Variants in ANKFN1 observed in about 807,000 individuals in gnomAD.
ANKFN1 encodes the protein ankyrin repeat and fibronectin type-III domain-containing protein 1.
Under a neutral mutation model 108.7 loss-of-function variants are expected in ANKFN1, and 74 were observed. The ratio of observed to expected loss-of-function variants is 0.68; its 90% CI spans 0.56 to 0.83. The LOEUF is 0.83. Among genes scored for constraint, ANKFN1 ranks in the 40% least tolerant of loss-of-function variants. The pLI is 0.00. For missense variants in ANKFN1, 1,505 were observed against 1,382.3 expected (o/e 1.09, Z -1.41); for synonymous variants, 547 against 516.2 (o/e 1.06, Z -0.81).
chr17:56,047,842 A>G (rs1043302582), intron 4 of ANKFN1, among the ~76,000 whole-genome samples: 1 of 152,182 alleles, frequency 6.6e-6, no homozygotes, highest in Non-Finnish European at 1.5e-5. Context: ...ACAGGTTGAG[A>G]AGACCTAATT....
chr17:56,452,992 A>G (rs1352461751), intron 11 of ANKFN1, among the ~76,000 whole-genome samples: 1 of 152,202 alleles, frequency 6.6e-6, no homozygotes, highest in Non-Finnish European at 1.5e-5. Flanking sequence ...TAAGGATTGA[A>G]TAACTTCAGT....
intron 1 of ANKFN1, among the ~76,000 whole-genome samples, 52 bp from the exon 2 acceptor site, chr17:56,212,546 G>A (rs1259790990): frequency 6.6e-6 from 1 of 152,022 alleles, no homozygotes; most frequent in East Asian, 1.9e-4. Context: ...GGGTGATACC[G>A]GTTTCATACA....
chr17:56,503,013 A>T (rs1488682032), intron 20 of ANKFN1, among the ~76,000 whole-genome samples: 1 of 152,202 alleles, frequency 6.6e-6, no homozygotes, highest in East Asian at 1.9e-4. Flanking sequence ...CAAGGGGGAA[A>T]GTTGGCTTCT....
At chr17:56,510,386 G>A in intron 20 of ANKFN1, 87 bp from the exon 21 acceptor site, 1 of 1,109,328 alleles carries the variant, frequency 9.0e-7, no homozygotes, top group Non-Finnish European at 1.3e-6. Flanking sequence ...CCTTCTAAGT[G>A]CGGGGTCAAA....
chr17:56,066,786 T>C (rs1172411221), intron 4 of ANKFN1, among the ~76,000 whole-genome samples: 1 of 152,218 alleles, frequency 6.6e-6, no homozygotes, highest in Non-Finnish European at 1.5e-5. Flanking sequence ...GCTCTGAATT[T>C]CACTACTCTA....
intron 3 of ANKFN1, among the ~76,000 whole-genome samples, chr17:56,299,423 G>T (rs539198740): frequency 1.3e-5 from 2 of 152,250 alleles, no homozygotes; most frequent in East Asian, 1.9e-4. Flanking sequence ...CTTTGCAAAA[G>T]CTTCCTCCTA....
chr17:56,515,249 T>G lies in ANKFN1; in HGVS notation c.*3980T>G, dbSNP rs539605869. On this transcript the variant is annotated 3_prime_UTR_variant, in exon 21 of 21. Coordinates refer to ENST00000682825, the MANE Select transcript of ANKFN1 (RefSeq NM_001370326.1). ...CAGAGCTACAGCAAAGAGTGTGTAT[T>G]TCTTGGTATATGTGCTTATTAAGCT... Among the ~76,000 whole-genome samples, 2 of 152,320 alleles carry G rather than the reference T, an allele frequency of 1.3e-5. No individual in the cohort carries two copies. Among genetic ancestry groups the G allele is most frequent in the African/African-American group, 4.8e-5 (2 of 41,586 alleles).
intron 1 of ANKFN1, among the ~76,000 whole-genome samples, chr17:56,194,227 A>G (rs77405385): frequency 6.6e-6 from 1 of 152,348 alleles, no homozygotes; most frequent in Non-Finnish European, 1.5e-5. Context: ...GACCGAACAT[A>G]CTTTTGCTGT....
chr17:56,383,021 T>A (rs551803918), intron 8 of ANKFN1, among the ~76,000 whole-genome samples: 1 of 152,262 alleles, frequency 6.6e-6, no homozygotes, highest in East Asian at 1.9e-4. Context: ...ATCAACAGAA[T>A]ATACATTTTC....
At chr17:56,137,759 T>C (rs965368037) in intron 4 of ANKFN1, among the ~76,000 whole-genome samples, 1 of 152,192 alleles carries the variant, frequency 6.6e-6, no homozygotes, top group Non-Finnish European at 1.5e-5. Context: ...TTAAGGATGA[T>C]ATTTTTCTTA....
intron 20 of ANKFN1, among the ~76,000 whole-genome samples, chr17:56,500,359 T>A (rs2051329372): frequency 1.3e-5 from 2 of 151,712 alleles, no homozygotes; most frequent in Non-Finnish European, 2.9e-5. Flanking sequence ...AGGAGACAGC[T>A]AATTTACATT....
At position 56,076,068 on chromosome 17, in the gene ANKFN1, T is replaced by C. The variant is rs138535399; in HGVS notation, c.288+29743T>C. 2.6e-5 allele frequency among the ~76,000 whole-genome samples: 4 copies of C among 152,300 alleles called. No individual in the cohort carries two copies. The East Asian group carries it at 7.7e-4, about 29-fold the overall frequency. ...CTATCTCTGATACACAATTTGGACT[T>C]TGCTAAATTTTGGAAAGGTCATTCA... is the stretch of plus-strand genomic sequence containing the variant. On this transcript the variant is annotated intron_variant, in intron 4 of 12. Transcript: ENST00000635860.
chr17:56,217,509 T>C (rs1915508143), intron 2 of ANKFN1, among the ~76,000 whole-genome samples: 1 of 152,172 alleles, frequency 6.6e-6, no homozygotes, highest in Non-Finnish European at 1.5e-5. Flanking sequence ...TTGACAATGT[T>C]TTGTGACATT....
chr17:56,160,735 T>A (rs1488974467), intron 1 of ANKFN1, among the ~76,000 whole-genome samples: 1 of 152,184 alleles, frequency 6.6e-6, no homozygotes, highest in Non-Finnish European at 1.5e-5. Flanking sequence ...TTGTAATGAA[T>A]CCCGTGGAAG....
rs552592031 is a variant in ANKFN1, at chr17:56,085,928, A to C, written c.288+39603A>C. On this transcript the variant is annotated intron_variant, in intron 4 of 12. Coordinates refer to the ANKFN1 transcript ENST00000635860. Reference sequence around the variant, plus strand: ...GCAGAGTTTGAATTTAAGACACACAAAAAAATTAGTTGTTAGAAGATGCAA... The same window carrying C: ...GCAGAGTTTGAATTTAAGACACACACAAAAATTAGTTGTTAGAAGATGCAA... Among the ~76,000 whole-genome samples, 7 of 151,364 alleles carry C rather than the reference A, an allele frequency of 4.6e-5. 1 individual carries two copies. Among genetic ancestry groups the C allele is most frequent in the Non-Finnish European group, 8.9e-5 (6 of 67,760 alleles).
At chr17:56,112,879 A>C (rs1906047045) in intron 4 of ANKFN1, among the ~76,000 whole-genome samples, 1 of 152,208 alleles carries the variant, frequency 6.6e-6, no homozygotes, top group Non-Finnish European at 1.5e-5. Context: ...TGTATCAGAT[A>C]TATATACACA....
At chr17:56,358,721 C>A (rs2046437861) in intron 6 of ANKFN1, among the ~76,000 whole-genome samples, 2 of 152,102 alleles carry the variant, frequency 1.3e-5, no homozygotes, top group Non-Finnish European at 2.9e-5. Flanking sequence ...GAAAGGACTG[C>A]AACTAGGAAA....
intron 8 of ANKFN1, among the ~76,000 whole-genome samples, chr17:56,386,332 G>A (rs1215285523): frequency 6.6e-6 from 1 of 151,712 alleles, no homozygotes; most frequent in African/African-American, 2.4e-5. Flanking sequence ...GGGGTGGGGG[G>A]AGCGGGGAGG....
intron 1 of ANKFN1, among the ~76,000 whole-genome samples, chr17:56,208,940 C>T (rs1222676385): frequency 2.0e-5 from 3 of 152,080 alleles, no homozygotes; most frequent in Admixed American, 6.5e-5. Context: ...TAGAGTAGCA[C>T]GATCTCAGCT....
Sources: allele counts gnomAD v4.1 joint callset (sites outside exome capture counted in the v4.1 genomes callset), GRCh38; gene constraint gnomAD v4.1.1; transcripts MANE v1.5; gene names NCBI Gene and HGNC (gene_info 2026-07-23, HGNC 2026-07-21).